The following SRBD1 variants were observed in gnomAD, a reference collection of about 807,000 sequenced individuals.
The protein encoded by SRBD1 is S1 RNA-binding domain-containing protein 1.
Under a neutral mutation model 115.3 loss-of-function variants are expected in SRBD1, and 88 were observed. That is an observed-to-expected ratio of 0.76 (90% CI 0.64 to 0.91). SRBD1 has a LOEUF of 0.91. Ranked by LOEUF, SRBD1 falls within the 40% of genes least tolerant of loss-of-function variation. The pLI is 0.00. For missense variants in SRBD1, 1,385 were observed against 1,177.4 expected, an observed-to-expected ratio of 1.18 and a Z score of -2.58; for synonymous variants, 509 against 407.7, an observed-to-expected ratio of 1.25 and a Z score of -2.99.
intron 16 of SRBD1, among the ~76,000 whole-genome samples, chr2:45,446,685 G>C (rs570426790): frequency 6.6e-6 from 1 of 151,160 alleles, no homozygotes; most frequent in Non-Finnish European, 1.5e-5. Context: ...GAGCATCTAG[G>C]CATATCAAGA....
chr2:45,396,088 C>T (rs1357506989), intron 19 of SRBD1, among the ~76,000 whole-genome samples: 2 of 151,786 alleles, frequency 1.3e-5, no homozygotes. Context: ...CTCGTTTAAT[C>T]ATGACAATGA....
intron 7 of SRBD1, among the ~76,000 whole-genome samples, chr2:45,576,434 G>C (rs61241979): frequency 2.6e-5 from 4 of 152,080 alleles, no homozygotes; most frequent in Admixed American, 6.6e-5. Context: ...AGGGAGTCGG[G>C]GGGGGTGGGG....
chr2:45,415,081 T>C (rs867587414), intron 18 of SRBD1, among the ~76,000 whole-genome samples: 5 of 8 alleles, frequency 0.62, 1 homozygote, highest in South Asian at 0.67. Flanking sequence ...ATAGTATGTA[T>C]ATACACACAT....
chr2:45,602,464 C>G (rs1454155717), intron 2 of SRBD1, among the ~76,000 whole-genome samples: 2 of 152,218 alleles, frequency 1.3e-5, no homozygotes, highest in East Asian at 3.9e-4. Flanking sequence ...TAAATAAGTT[C>G]CCAACTACTA....
At chr2:45,416,826 T>C (rs1464861557) in intron 18 of SRBD1, among the ~76,000 whole-genome samples, 6 of 152,160 alleles carry the variant, frequency 3.9e-5, no homozygotes, top group African/African-American at 1.2e-4. Flanking sequence ...TCGCCCAGGC[T>C]GGAGTGCAGC....
chr2:45,401,222 G>A (rs976602538), intron 19 of SRBD1, among the ~76,000 whole-genome samples: 1 of 152,130 alleles, frequency 6.6e-6, no homozygotes, highest in Non-Finnish European at 1.5e-5. Flanking sequence ...GTGAGGAGTA[G>A]GGTCATTAAG....
chr2:45,422,807 T>C (rs1668046435), intron 16 of SRBD1, among the ~76,000 whole-genome samples: 1 of 152,240 alleles, frequency 6.6e-6, no homozygotes, highest in South Asian at 2.1e-4. Flanking sequence ...TCAGAAAGAA[T>C]GTTATTGAGT....
intron 16 of SRBD1, among the ~76,000 whole-genome samples, chr2:45,441,453 G>A (rs371979321): frequency 1.7e-4 from 26 of 152,208 alleles, no homozygotes; most frequent in African/African-American, 6.3e-4. Context: ...TTGTATCCTG[G>A]TACATAGTAC....
intron 10 of SRBD1, among the ~76,000 whole-genome samples, 170 bp from the exon 11 acceptor site, chr2:45,553,900 C>T (rs1200578736): frequency 6.6e-6 from 1 of 152,154 alleles, no homozygotes; most frequent in Non-Finnish European, 1.5e-5. Flanking sequence ...ATTACTATGA[C>T]ATCTGGAGTT....
intron 16 of SRBD1, among the ~76,000 whole-genome samples, chr2:45,442,687 AGGGAATATTCTATT>A (rs978896078): frequency 6.6e-6 from 1 of 152,212 alleles, no homozygotes; most frequent in Non-Finnish European, 1.5e-5. Context: ...CAACCCATCA[AGGGAATATTCTATT>A]GGAGTAAATC....
chr2:45,598,297 G>C (rs1430408438), intron 4 of SRBD1, among the ~76,000 whole-genome samples: 2 of 152,154 alleles, frequency 1.3e-5, no homozygotes, highest in South Asian at 4.1e-4. Context: ...GTGCACCACA[G>C]AGAAGAAAAA....
intron 16 of SRBD1, among the ~76,000 whole-genome samples, chr2:45,453,593 A>G (rs1286862400): frequency 6.6e-6 from 1 of 151,982 alleles, no homozygotes; most frequent in African/African-American, 2.4e-5. Flanking sequence ...GAGAGTTCCT[A>G]TAAATTTGGT....
chr2:45,564,814 G>A (rs946173675), intron 9 of SRBD1, among the ~76,000 whole-genome samples: 4 of 152,112 alleles, frequency 2.6e-5, no homozygotes, highest in African/African-American at 9.7e-5. Context: ...TGAAACCCAC[G>A]CATAAGGAGA....
intron 14 of SRBD1, among the ~76,000 whole-genome samples, chr2:45,495,758 A>G (rs1034941037): frequency 2.0e-5 from 3 of 152,198 alleles, no homozygotes; most frequent in Admixed American, 2.0e-4. Flanking sequence ...TGTGGAAGAA[A>G]CCGTTGTTTG....
chr2:45,389,539 G>A lies in SRBD1; in HGVS notation c.2759C>T (p.Thr920Ile), dbSNP rs1437919413. The A allele has an allele frequency of 6.2e-7, 1 of 1,613,912 alleles. No homozygotes were observed. Among genetic ancestry groups the A allele is most frequent in the East Asian group, 2.2e-5 (1 of 44,884 alleles). The change falls in exon 21 of 21, where the codon ACA (threonine) becomes ATA (isoleucine). Residue 920 changes from threonine to isoleucine, a missense_variant. By Grantham distance (89) the Thr-to-Ile change is moderately conservative. Coordinates refer to ENST00000263736, the MANE Select transcript of SRBD1 (RefSeq NM_018079.5). ...ATTCTCAACTTTGCCTGTAAGAACT[G>A]TCCCAATCTGCAGATCTTCCAGGCA... ...IVCLEDLQIGTVLTGKVENAT... is the reference protein window; with the variant it reads ...IVCLEDLQIGIVLTGKVENAT...
chr2:45,437,122 GGA>G (rs956290745), intron 16 of SRBD1, among the ~76,000 whole-genome samples: 2 of 152,056 alleles, frequency 1.3e-5, no homozygotes, highest in African/African-American at 4.8e-5. Flanking sequence ...AGAACTAAGA[GGA>G]GAGATATTTC....
At chr2:45,418,701 G>A (rs1418847459) in intron 17 of SRBD1, among the ~76,000 whole-genome samples, 160 bp from the exon 18 acceptor site, 2 of 149,158 alleles carry the variant, frequency 1.3e-5, no homozygotes, top group African/African-American at 4.9e-5. Flanking sequence ...AAAAAAAACG[G>A]AGAAAAAAAG....
At chr2:45,564,327 T>A (rs1296517678) in intron 9 of SRBD1, among the ~76,000 whole-genome samples, 2 of 152,172 alleles carry the variant, frequency 1.3e-5, no homozygotes, top group Non-Finnish European at 2.9e-5. Flanking sequence ...CACAGAAATC[T>A]CACAGCTAAC....
At chr2:45,591,817 A>T (rs1484992001) in intron 4 of SRBD1, among the ~76,000 whole-genome samples, 3 of 152,198 alleles carry the variant, frequency 2.0e-5, no homozygotes, top group African/African-American at 7.2e-5. Context: ...GTCCATACTT[A>T]TTACACTAAA....
Sources: allele counts gnomAD v4.1 joint callset (sites outside exome capture counted in the v4.1 genomes callset), GRCh38; gene constraint gnomAD v4.1.1; transcripts MANE v1.5; gene names NCBI Gene and HGNC (gene_info 2026-07-23, HGNC 2026-07-21).